The following PDE7A variants were observed in gnomAD, a reference collection of about 807,000 sequenced individuals.
PDE7A encodes phosphodiesterase 7A, also known as high affinity 3',5'-cyclic-AMP phosphodiesterase 7A.
Under a neutral mutation model 64.3 loss-of-function variants are expected in PDE7A, and 39 were observed. The observed-to-expected ratio is 0.61, with a 90% confidence interval of 0.47 to 0.79. The LOEUF (loss-of-function observed/expected upper bound fraction) is 0.79. Among genes scored for constraint, PDE7A ranks in the 30% least tolerant of loss-of-function variants. The probability of loss-of-function intolerance (pLI) is 0.00; values close to 1 mark genes in which losing one functional copy is unlikely to be tolerated. For synonymous variants in PDE7A, 203 were observed against 206.8 expected (o/e 0.98, Z 0.16); for missense variants, 470 against 582.8 (o/e 0.81, Z 1.99).
intron 2 of PDE7A, among the ~76,000 whole-genome samples, chr8:65,781,690 A>G (rs1191185951): frequency 1.3e-5 from 2 of 152,216 alleles, no homozygotes; most frequent in Non-Finnish European, 2.9e-5. Context: ...CTGAGATGGC[A>G]AAAGACTGCA....
intron 12 of PDE7A, chr8:65,719,839 C>T (rs933254915): frequency 1.1e-5 from 3 of 273,060 alleles, no homozygotes; most frequent in East Asian, 8.4e-5. Flanking sequence ...TAGCCCAATT[C>T]GAGGCAGAGT....
chr8:65,835,824 C>G (rs1203070121), intron 1 of PDE7A, among the ~76,000 whole-genome samples: 1 of 152,160 alleles, frequency 6.6e-6, no homozygotes, highest in Non-Finnish European at 1.5e-5. Flanking sequence ...AGTAAAATCT[C>G]GGCATATAAA....
intron 3 of PDE7A, among the ~76,000 whole-genome samples, chr8:65,761,622 T>G (rs1203851162): frequency 6.6e-6 from 1 of 152,188 alleles, no homozygotes; most frequent in Non-Finnish European, 1.5e-5. Flanking sequence ...TTCTAAAATA[T>G]CACATTACTT....
At chr8:65,839,212 T>C (rs1165446259) in intron 1 of PDE7A, among the ~76,000 whole-genome samples, 2 of 132,522 alleles carry the variant, frequency 1.5e-5, no homozygotes, top group South Asian at 2.1e-4. Flanking sequence ...TTTTACTTAA[T>C]GTCTTTTTTT....
chr8:65,777,513 G>A lies in PDE7A; in HGVS notation c.283+2207C>T, dbSNP rs79755769. On this transcript the variant is annotated intron_variant, in intron 3 of 12. Transcript: ENST00000401827. Reference sequence around the variant, plus strand: ...TGTTATAGATATAATTTGATAATATGTTATTTAGGATGTTTCCTCTATATT... The same window carrying A: ...TGTTATAGATATAATTTGATAATATATTATTTAGGATGTTTCCTCTATATT... Among the ~76,000 whole-genome samples the A allele has an allele frequency of 8.8e-3, 1,332 of 152,170 alleles. 28 individuals carry two copies. The highest frequency in any genetic ancestry group is 0.074 in the East Asian group (385 of 5,178).
At chr8:65,783,704 A>C (rs1223013482) in intron 1 of PDE7A, among the ~76,000 whole-genome samples, 1 of 152,230 alleles carries the variant, frequency 6.6e-6, no homozygotes, top group Non-Finnish European at 1.5e-5. Context: ...TCATCACTGC[A>C]TCCCTGGTCT....
chr8:65,759,448 C>T (rs1255961889), intron 3 of PDE7A, among the ~76,000 whole-genome samples: 2 of 152,058 alleles, frequency 1.3e-5, no homozygotes, highest in Non-Finnish European at 2.9e-5. Flanking sequence ...ATACTGCAGG[C>T]ATATGGGCCA....
chr8:65,823,452 CA>C (rs1810590308), intron 1 of PDE7A, among the ~76,000 whole-genome samples: 1 of 152,072 alleles, frequency 6.6e-6, no homozygotes, highest in Non-Finnish European at 1.5e-5. Context: ...TTAAAAGTTT[CA>C]GAAAACTAAT....
At chr8:65,750,174 A>G (rs1396221330) in intron 3 of PDE7A, among the ~76,000 whole-genome samples, 3 of 152,244 alleles carry the variant, frequency 2.0e-5, no homozygotes, top group African/African-American at 7.2e-5. Context: ...GAAGGCAAAG[A>G]TTATCATCTC....
At position 65,842,013 on chromosome 8, in the gene PDE7A, C is replaced by A; in HGVS notation, c.-505G>T. On this transcript the variant is annotated 5_prime_UTR_variant, in exon 1 of 13. Coordinates refer to ENST00000401827, the MANE Select transcript of PDE7A (RefSeq NM_001242318.3). ...GCCGCCGGAGTCCTGCTCCTCCCCT[C>A]CCCCGGAGCCTGACTTCACTCCGCC... 4.2e-6 allele frequency: 1 copy of A among 235,838 alleles called. No homozygotes were observed. The highest frequency in any genetic ancestry group is 4.8e-5 in the South Asian group (1 of 20,992). The allele number at this position is 235,838 out of a possible 1,614,324, so 14.6% of individuals were successfully genotyped here.
chr8:65,764,519 C>G (rs1808670886), intron 3 of PDE7A, among the ~76,000 whole-genome samples: 1 of 152,110 alleles, frequency 6.6e-6, no homozygotes, highest in African/African-American at 2.4e-5. Context: ...GAGAAAAATA[C>G]TATAATGAAG....
intron 1 of PDE7A, among the ~76,000 whole-genome samples, chr8:65,801,319 G>A (rs1809980333): frequency 6.6e-6 from 1 of 152,176 alleles, no homozygotes; most frequent in Non-Finnish European, 1.5e-5. Flanking sequence ...AATGCTGGAA[G>A]ATATTGAAAA....
intron 1 of PDE7A, among the ~76,000 whole-genome samples, chr8:65,788,011 A>G (rs1809607543): frequency 6.6e-6 from 1 of 152,234 alleles, no homozygotes; most frequent in African/African-American, 2.4e-5. Context: ...TCACTAAGAA[A>G]AGAAGACCAA....
chr8:65,840,873 G>A (rs964829638), intron 1 of PDE7A, among the ~76,000 whole-genome samples: 1 of 152,230 alleles, frequency 6.6e-6, no homozygotes, highest in Non-Finnish European at 1.5e-5. Context: ...TACAGCAACG[G>A]GGCATCTAGG....
intron 1 of PDE7A, among the ~76,000 whole-genome samples, chr8:65,832,017 T>C (rs1164462373): frequency 2.0e-5 from 3 of 152,202 alleles, no homozygotes; most frequent in African/African-American, 7.2e-5. Flanking sequence ...TTGGCACGCA[T>C]GCATGGTATA....
chr8:65,768,502 C>G (rs1364944709), intron 3 of PDE7A, among the ~76,000 whole-genome samples: 2 of 152,162 alleles, frequency 1.3e-5, no homozygotes, highest in African/African-American at 4.8e-5. Context: ...TGCCTTTCAC[C>G]TTCGGCCGTA....
At chr8:65,777,148 T>C (rs1315473836) in intron 3 of PDE7A, among the ~76,000 whole-genome samples, 1 of 148,594 alleles carries the variant, frequency 6.7e-6, no homozygotes, top group Non-Finnish European at 1.5e-5. Flanking sequence ...AATGCAATCC[T>C]GGCTAACCGC....
chr8:65,773,355 G>A (rs571191881), intron 3 of PDE7A, among the ~76,000 whole-genome samples: 2 of 152,300 alleles, frequency 1.3e-5, no homozygotes, highest in Admixed American at 1.3e-4. Flanking sequence ...ATAGGACCAA[G>A]TCTATAGCAA....
At chr8:65,806,260 A>T (rs1231416131) in intron 1 of PDE7A, among the ~76,000 whole-genome samples, 2 of 152,120 alleles carry the variant, frequency 1.3e-5, no homozygotes, top group Non-Finnish European at 2.9e-5. Flanking sequence ...ATTCTTGGAC[A>T]CTTTTAACTA....
Sources: allele counts gnomAD v4.1 joint callset (sites outside exome capture counted in the v4.1 genomes callset), GRCh38; gene constraint gnomAD v4.1.1; transcripts MANE v1.5; gene names NCBI Gene and HGNC (gene_info 2026-07-23, HGNC 2026-07-21).